ANKRD28: variants seen among roughly 807,000 people sequenced by gnomAD.
ANKRD28 encodes serine/threonine-protein phosphatase 6 regulatory ankyrin repeat subunit A.
In ANKRD28, 44 loss-of-function variants were observed where a neutral mutation model predicts 126.5. The ratio of observed to expected loss-of-function variants is 0.35; its 90% CI spans 0.27 to 0.45. The LOEUF (loss-of-function observed/expected upper bound fraction) is 0.45. Among genes scored for constraint, ANKRD28 ranks in the 20% least tolerant of loss-of-function variants. The probability of loss-of-function intolerance (pLI) is 1.00; values close to 1 mark genes in which losing one functional copy is unlikely to be tolerated. For synonymous variants in ANKRD28, 442 were observed against 468.5 expected (o/e 0.94, Z 0.73); for missense variants, 1,110 against 1,316.6 (o/e 0.84, Z 2.43).
chr3:15,701,135 T>A (rs922750101), intron 14 of ANKRD28, among the ~76,000 whole-genome samples: 1 of 152,178 alleles, frequency 6.6e-6, no homozygotes, highest in Non-Finnish European at 1.5e-5. Context: ...AACTGATCTT[T>A]CAGTAACTCT....
chr3:15,849,969 C>T (rs984380605), intron 1 of ANKRD28, among the ~76,000 whole-genome samples: 10 of 151,552 alleles, frequency 6.6e-5, no homozygotes, highest in African/African-American at 1.2e-4. Context: ...GGGTTGGAAG[C>T]GATCTCTGAC....
intron 2 of ANKRD28, among the ~76,000 whole-genome samples, chr3:15,787,849 T>C (rs996183367): frequency 2.0e-5 from 3 of 152,228 alleles, no homozygotes; most frequent in Non-Finnish European, 4.4e-5. Flanking sequence ...ATTTCAATGA[T>C]TTCAGAAAGC....
Position 15,721,059 on chromosome 3 carries a change from T to C in ANKRD28, c.852A>G (p.Val284=). ...HVACYNGQDV[V]VNELIDCGAI... ...CACCACAGTCTATAAGTTCATTCAC[T>C]ACAACATCTTGTCCATTATAGCAGG... Residue 284 remains valine, a synonymous_variant, in exon 8 of 28, where the codon GTA becomes GTG. Coordinates refer to ENST00000683139, the MANE Select transcript of ANKRD28 (RefSeq NM_001349278.2). The C allele has an allele frequency of 6.2e-7, 1 of 1,613,914 alleles. No homozygotes were observed. Among genetic ancestry groups the C allele is most frequent in the Non-Finnish European group, 8.5e-7 (1 of 1,179,820 alleles).
chr3:15,714,491 C>A (rs1575335635), intron 9 of ANKRD28, 87 bp downstream of exon 9: 1 of 937,356 alleles, frequency 1.1e-6, no homozygotes. Context: ...ATGACAATTC[C>A]TCAATACCAT....
intron 2 of ANKRD28, among the ~76,000 whole-genome samples, chr3:15,773,132 A>C (rs2059098301): frequency 6.6e-6 from 1 of 151,224 alleles, no homozygotes; most frequent in Non-Finnish European, 1.5e-5. Flanking sequence ...ATCCCAAGGA[A>C]TCTAAAAAAA....
chr3:15,778,889 CATG>C (rs970874779), intron 2 of ANKRD28, among the ~76,000 whole-genome samples: 2 of 152,142 alleles, frequency 1.3e-5, no homozygotes, highest in African/African-American at 4.8e-5. Context: ...ATGCTATTCT[CATG>C]ATAATAAGTG....
intron 14 of ANKRD28, among the ~76,000 whole-genome samples, chr3:15,700,130 C>T (rs553199711): frequency 6.6e-6 from 1 of 152,218 alleles, no homozygotes; most frequent in Non-Finnish European, 1.5e-5. Flanking sequence ...CAAACTATCA[C>T]AAGATCAGAA....
exon 1 of ANKRD28, chr3:15,859,564 G>T: frequency 2.5e-6 from 1 of 400,432 alleles, no homozygotes; most frequent in Non-Finnish European, 3.6e-6. Context: ...AGGGGGCGGC[G>T]CCGCCTCCCC....
At chr3:15,706,371 C>G (rs1309603030) in intron 14 of ANKRD28, among the ~76,000 whole-genome samples, 4 of 1,508 alleles carry the variant, frequency 2.7e-3, no homozygotes, top group Non-Finnish European at 5.0e-3. Context: ...ATAGTTTGCT[C>G]AGAATGATGT....
chr3:15,676,153 C>T (rs1289774915), intron 26 of ANKRD28, 164 bp from the exon 27 acceptor site: 4 of 502,880 alleles, frequency 8.0e-6, no homozygotes, highest in Non-Finnish European at 1.4e-5. Flanking sequence ...GAGAGCAGAA[C>T]CTCTGTGCAG....
chr3:15,741,935 C>T (rs926925970), intron 4 of ANKRD28, among the ~76,000 whole-genome samples: 17 of 151,968 alleles, frequency 1.1e-4, no homozygotes, highest in African/African-American at 3.4e-4. Context: ...GACGGGGTTT[C>T]GCTGTGTTGG....
intron 1 of ANKRD28, among the ~76,000 whole-genome samples, chr3:15,821,194 G>A (rs1222304981): frequency 6.6e-6 from 1 of 152,132 alleles, no homozygotes; most frequent in Non-Finnish European, 1.5e-5. Context: ...CCTCATTTGA[G>A]AAAGACTGAT....
chr3:15,797,744 T>C lies in ANKRD28; in HGVS notation c.-1223A>G, dbSNP rs2060341836. The C allele has an allele frequency of 3.0e-6, 3 of 985,318 alleles. No homozygotes were observed. Among genetic ancestry groups the C allele is most frequent in the African/African-American group, 3.5e-5 (2 of 57,228 alleles). The allele number at this position is 985,318 out of a possible 1,614,324, so 61.0% of individuals were successfully genotyped here. ...CTTTGCCAATATAGTTTCCTTCCAC[T>C]GTGAAAACCGCCACAGTTATCCTTT... On this transcript the variant is annotated 5_prime_UTR_variant, in exon 1 of 28. Coordinates refer to ENST00000683139, the MANE Select transcript of ANKRD28 (RefSeq NM_001349278.2).
chr3:15,689,460 G>A (rs552189205), intron 18 of ANKRD28, among the ~76,000 whole-genome samples: 21 of 152,314 alleles, frequency 1.4e-4, no homozygotes, highest in African/African-American at 4.6e-4. Flanking sequence ...AATTGCAGAA[G>A]GTATCAGCAA....
rs796335339 is a variant in ANKRD28, at chr3:15,755,568, T to C, written c.281-3748A>G. 2.0e-5 allele frequency among the ~76,000 whole-genome samples: 3 copies of C among 152,192 alleles called. No individual in the cohort carries two copies. The South Asian group carries it at 6.2e-4, about 32-fold the overall frequency. ...AAATGGAAAAGACATTTCCAGAATA[T>C]AGTTAACTAGTTCAATAGCTAGTTG... On this transcript the variant is annotated intron_variant, in intron 3 of 27. Coordinates refer to ENST00000683139, the MANE Select transcript of ANKRD28 (RefSeq NM_001349278.2).
chr3:15,761,254 C>T (rs958204955), intron 3 of ANKRD28, among the ~76,000 whole-genome samples: 8 of 152,222 alleles, frequency 5.3e-5, no homozygotes, highest in African/African-American at 1.9e-4. Flanking sequence ...CTACCTGCTA[C>T]TAAAATGTGG....
rs892806363 is a variant in ANKRD28 at position 15,796,456 on chromosome 3, T to C, written c.66A>G (p.Lys22=). 1.6e-6 allele frequency: 2 copies of C among 1,288,514 alleles called. No individual in the cohort carries two copies. Among genetic ancestry groups the C allele is most frequent in the Non-Finnish European group, 2.0e-6 (2 of 988,100 alleles). The allele number at this position is 1,288,514 out of a possible 1,614,324, so 79.8% of individuals were successfully genotyped here. A position where few individuals can be genotyped will look rare whatever the true frequency, so the allele number is the denominator to read the frequency against. ...VEDESPAFIS[K]LPQENKSLHS... ...GTAGGGATTTATTTTCCTGTGGCAA[T>C]TTAGAAATGAATGCAGGAGATTCAT... The change falls in exon 1 of 28, where the codon AAA becomes AAG. Residue 22 remains lysine (K), a synonymous_variant. Coordinates refer to ENST00000683139, the MANE Select transcript of ANKRD28 (RefSeq NM_001349278.2).
chr3:15,850,060 T>G (rs2061604816), intron 1 of ANKRD28, among the ~76,000 whole-genome samples: 1 of 151,476 alleles, frequency 6.6e-6, no homozygotes, highest in Non-Finnish European at 1.5e-5. Flanking sequence ...GGAACAGAAC[T>G]GAGAGCCCAG....
At chr3:15,780,037 C>A (rs535019588) in intron 2 of ANKRD28, among the ~76,000 whole-genome samples, 239 of 152,288 alleles carry the variant, frequency 1.6e-3, no homozygotes, top group Admixed American at 2.2e-3. Context: ...CCCACCCTCA[C>A]CACTCCTATC....
Sources: allele counts gnomAD v4.1 joint callset (sites outside exome capture counted in the v4.1 genomes callset), GRCh38; gene constraint gnomAD v4.1.1; transcripts MANE v1.5; gene names NCBI Gene and HGNC (gene_info 2026-07-23, HGNC 2026-07-21).